ADGRA1: variants seen among roughly 807,000 people sequenced by gnomAD.
ADGRA1 encodes adhesion G protein-coupled receptor A1.
In ADGRA1, 12 loss-of-function variants were observed where a neutral mutation model predicts 21.3. The observed-to-expected ratio is 0.56, with a 90% CI of 0.36 to 0.91. The LOEUF is 0.91. ADGRA1 is among the 40% of genes least tolerant of loss of function. The pLI is 0.01. For synonymous variants in ADGRA1, 385 were observed against 368.8 expected, an observed-to-expected ratio of 1.04 and a Z score of -0.50; for missense variants, 790 against 805.6, an observed-to-expected ratio of 0.98 and a Z score of 0.23.
intron 4 of ADGRA1, among the ~76,000 whole-genome samples, chr10:133,099,142 GC>G (rs1189839000): frequency 6.6e-6 from 1 of 151,592 alleles, no homozygotes; most frequent in Non-Finnish European, 1.5e-5. Context: ...GGGGGACACA[GC>G]CCGCCCCTCC....
intron 4 of ADGRA1, among the ~76,000 whole-genome samples, chr10:133,101,246 C>T (rs1851788354): frequency 6.6e-6 from 1 of 152,218 alleles, no homozygotes; most frequent in Non-Finnish European, 1.5e-5. Context: ...CCCGCCTGCC[C>T]CGCCCACCGG....
chr10:133,102,272 G>A, intron 4 of ADGRA1: 1 of 490,680 alleles, frequency 2.0e-6, no homozygotes, highest in Non-Finnish European at 4.1e-6. Flanking sequence ...CCTACCCACA[G>A]TAAGAGCATC....
intron 5 of ADGRA1, among the ~76,000 whole-genome samples, chr10:133,104,921 G>A (rs1436945270): frequency 1.3e-5 from 2 of 152,194 alleles, no homozygotes; most frequent in Non-Finnish European, 2.9e-5. Flanking sequence ...CCAGCAGGCT[G>A]GAGCGGGGCC....
At chr10:133,098,401 AC>A (rs1486926533) in intron 3 of ADGRA1, among the ~76,000 whole-genome samples, 2 of 152,068 alleles carry the variant, frequency 1.3e-5, no homozygotes, top group Non-Finnish European at 2.9e-5. Context: ...GCTTCTGCAA[AC>A]CCCTTCCAGC....
chr10:133,099,298 C>A (rs527552898), intron 4 of ADGRA1, among the ~76,000 whole-genome samples: 28 of 152,044 alleles, frequency 1.8e-4, no homozygotes, highest in African/African-American at 6.5e-4. Context: ...CCACCCCTCC[C>A]GGAGAGAGTG....
chr10:133,121,604 G>C (rs1420139200), intron 5 of ADGRA1, among the ~76,000 whole-genome samples: 1 of 147,270 alleles, frequency 6.8e-6, no homozygotes, highest in African/African-American at 2.5e-5. Flanking sequence ...GTGCGTTTGT[G>C]CATGTGAGTG....
rs114865590 is a variant in ADGRA1 at position 133,129,774 on chromosome 10, A to G, written c.*263A>G. 1,628 of 448,742 alleles carry G rather than the reference A, an allele frequency of 3.6e-3. 25 individuals are homozygous for G. The highest frequency in any genetic ancestry group is 0.031 in the African/African-American group (1,501 of 48,078). The allele number at this position is 448,742 out of a possible 1,614,324, so 27.8% of individuals were successfully genotyped here. A position where few individuals can be genotyped will look rare whatever the true frequency, so the allele number is the denominator to read the frequency against. ...GGCCACGCCCACTCCCCTTATCCCAATTCCGCGTGCTGGTCCCGCACACGG... is the reference window on the plus strand; with the variant it reads ...GGCCACGCCCACTCCCCTTATCCCAGTTCCGCGTGCTGGTCCCGCACACGG... On this transcript the variant is annotated 3_prime_UTR_variant, in exon 7 of 7. Coordinates refer to ENST00000392607, the MANE Select transcript of ADGRA1 (RefSeq NM_001083909.3).
At chr10:133,092,353 C>G (rs1207358541) in intron 2 of ADGRA1, among the ~76,000 whole-genome samples, 1 of 152,182 alleles carries the variant, frequency 6.6e-6, no homozygotes, top group Non-Finnish European at 1.5e-5. Context: ...GAACTTTAAG[C>G]AAGTAACTAC....
chr10:133,124,094 G>A (rs990190957), intron 5 of ADGRA1, among the ~76,000 whole-genome samples: 4 of 152,138 alleles, frequency 2.6e-5, no homozygotes, highest in East Asian at 1.9e-4. Context: ...ACTGGGTCAC[G>A]TGGTGATGCA....
intron 5 of ADGRA1, among the ~76,000 whole-genome samples, chr10:133,117,383 C>G (rs778936514): frequency 1.8e-4 from 27 of 152,210 alleles, no homozygotes; most frequent in Non-Finnish European, 3.1e-4. Context: ...CACGGAACAG[C>G]CTACTGACGG....
Position 133,129,377 on chromosome 10 carries a change from A to G in ADGRA1, c.1549A>G (p.Thr517Ala), listed in dbSNP as rs890517932. Residue 517 changes from threonine to alanine, a missense_variant, in exon 7 of 7, where the codon ACA (threonine) becomes GCA (alanine). Around this residue, in one of 3 missense-constraint regions of ADGRA1, gnomAD observed 391 missense variants for 351.5 expected, o/e 1.11. Coordinates refer to ENST00000392607, the MANE Select transcript of ADGRA1 (RefSeq NM_001083909.3). ...GPGHLEMLRR[T>A]QSLPFGGPSQ... ...CGGCCACTTGGAGATGCTGCGGAGG[A>G]CACAGTCCCTGCCCTTTGGTGGCCC... is the stretch of plus-strand genomic sequence containing the variant. The G allele has an allele frequency of 1.2e-6, 2 of 1,603,444 alleles. No homozygotes were observed. Among genetic ancestry groups the G allele is most frequent in the Non-Finnish European group, 1.7e-6 (2 of 1,177,252 alleles).
In ADGRA1 at chr10:133,102,818, C is replaced by G. The variant is rs779483507; in HGVS notation, c.377C>G (p.Pro126Arg). 6.2e-7 allele frequency: 1 copy of G among 1,611,858 alleles called. No individual in the cohort carries two copies. The highest frequency in any genetic ancestry group is 8.5e-7 in the Non-Finnish European group (1 of 1,179,048). ...APLCLDTDQP[P>R]YPRQPLLRFY... The stretch of plus-strand genomic sequence containing the variant: ...CTGTGCCTGGACACAGACCAGCCAC[C>G]GTACCCCAGGCAGCCCCTGCTCAGG... Residue 126 changes from proline (P) to arginine (R), a missense_variant, in exon 5 of 7, where the codon CCG (proline) becomes CGG (arginine). This residue lies in a region of ADGRA1 where 382 missense variants were observed against 415.6 expected (regional missense o/e 0.92). Coordinates refer to ENST00000392607, the MANE Select transcript of ADGRA1 (RefSeq NM_001083909.3).
chr10:133,126,653 G>A (rs1852380343), intron 5 of ADGRA1, among the ~76,000 whole-genome samples: 1 of 152,234 alleles, frequency 6.6e-6, no homozygotes, highest in Non-Finnish European at 1.5e-5. Flanking sequence ...CCTGCAGAGG[G>A]GAAGGTCAGC....
rs1564848895 is a variant in ADGRA1, at chr10:133,111,177, GA to G, written c.401+8336del. 9.9e-5 allele frequency among the ~76,000 whole-genome samples: 4 copies of G among 40,546 alleles called. 2 individuals are homozygous for G. The highest frequency in any genetic ancestry group is 6.8e-4 in the African/African-American group (4 of 5,886). The allele number at this position is 40,546 out of a possible 152,430, so 26.6% of individuals were successfully genotyped here. On this transcript the variant is annotated intron_variant, in intron 5 of 6. Transcript: ENST00000392607. Reference sequence around the variant, plus strand: ...TCCCACCAGACCACCTGCCCGCCGTGAGCACCTCCCTCCTAATCCCTCCAGA... The same window carrying G: ...TCCCACCAGACCACCTGCCCGCCGTGGCACCTCCCTCCTAATCCCTCCAGA...
chr10:133,120,597 C>A (rs1852236524), intron 5 of ADGRA1, among the ~76,000 whole-genome samples: 1 of 152,160 alleles, frequency 6.6e-6, no homozygotes, highest in Non-Finnish European at 1.5e-5. Context: ...AGCATTTTTT[C>A]TGCTGCACCT....
At chr10:133,101,396 G>A (rs1352212051) in intron 4 of ADGRA1, among the ~76,000 whole-genome samples, 2 of 152,232 alleles carry the variant, frequency 1.3e-5, no homozygotes, top group Non-Finnish European at 2.9e-5. Context: ...ACAGGCGCTG[G>A]CCCTGGGTCC....
At chr10:133,111,195 C>CCCACCAGACAA (rs1851990865) in intron 5 of ADGRA1, among the ~76,000 whole-genome samples, 1 of 128,520 alleles carries the variant, frequency 7.8e-6, no homozygotes. Context: ...CCCTCCTAAT[C>CCCACCAGACAA]CCTCCAGACA....
At chr10:133,088,277 G>A in intron 1 of ADGRA1, 139 bp downstream of exon 1, 1 of 257,544 alleles carries the variant, frequency 3.9e-6, no homozygotes, top group South Asian at 1.4e-4. Flanking sequence ...GGCGGGAGGC[G>A]CCACGGATAA....
intron 2 of ADGRA1, among the ~76,000 whole-genome samples, chr10:133,090,869 C>T (rs922918864): frequency 1.1e-4 from 16 of 152,232 alleles, no homozygotes; most frequent in African/African-American, 3.9e-4. Flanking sequence ...TGCTGTCCAG[C>T]AGCTTGGCTG....
Sources: allele counts gnomAD v4.1 joint callset (sites outside exome capture counted in the v4.1 genomes callset), GRCh38; gene constraint gnomAD v4.1.1; regional missense constraint gnomAD v4.1.1; transcripts MANE v1.5; gene names NCBI Gene and HGNC (gene_info 2026-07-23, HGNC 2026-07-21).